Variants in CDK13 observed in about 807,000 individuals in gnomAD.
CDK13 encodes the protein cyclin-dependent kinase 13.
CDK13 carries 40 observed loss-of-function variants against 137.6 expected under a neutral mutation model. The ratio of observed to expected loss-of-function variants is 0.29; its 90% CI spans 0.23 to 0.38. The LOEUF (loss-of-function observed/expected upper bound fraction) is 0.38, where lower values mean the gene tolerates loss of function less well. Ranked by LOEUF, CDK13 falls within the 10% of genes least tolerant of loss-of-function variation. CDK13 has a pLI of 1.00. For missense variants in CDK13, 1,704 were observed against 1,951.8 expected (o/e 0.87, Z 2.39); for synonymous variants, 869 against 760.1 (o/e 1.14, Z -2.36).
chr7:40,004,511 T>A (rs1040754595), intron 5 of CDK13, among the ~76,000 whole-genome samples: 1 of 152,256 alleles, frequency 6.6e-6, no homozygotes, highest in African/African-American at 2.4e-5. Flanking sequence ...TAAATGAATC[T>A]AATAATTTTG....
chr7:40,019,019 G>A (rs370652450), intron 5 of CDK13, among the ~76,000 whole-genome samples: 23 of 152,242 alleles, frequency 1.5e-4, no homozygotes, highest in Middle Eastern at 3.4e-3. Flanking sequence ...CAGAACTATG[G>A]TATATTATTA....
intron 11 of CDK13, among the ~76,000 whole-genome samples, chr7:40,081,792 A>C (rs926633970): frequency 2.0e-5 from 3 of 152,066 alleles, no homozygotes; most frequent in East Asian, 1.9e-4. Flanking sequence ...TTGTATTTTT[A>C]GTAGAGACAG....
chr7:40,040,997 G>A (rs879753634), intron 5 of CDK13, among the ~76,000 whole-genome samples: 2 of 152,046 alleles, frequency 1.3e-5, no homozygotes, highest in Non-Finnish European at 2.9e-5. Flanking sequence ...AAATCATCTG[G>A]TAACTTCATT....
intron 1 of CDK13, among the ~76,000 whole-genome samples, chr7:39,968,812 T>G (rs1054707972): frequency 2.6e-5 from 4 of 152,222 alleles, no homozygotes; most frequent in Non-Finnish European, 5.9e-5. Context: ...AGTATTCCAC[T>G]GAATCAGAGT....
At chr7:39,984,469 A>C (rs1300711084) in intron 1 of CDK13, 2 of 152,022 alleles carry the variant, frequency 1.3e-5, no homozygotes, top group Non-Finnish European at 2.9e-5. Flanking sequence ...AAAATTCACG[A>C]AATAAAAATT....
intron 5 of CDK13, among the ~76,000 whole-genome samples, chr7:40,044,581 A>G (rs927477558): frequency 6.6e-6 from 1 of 151,814 alleles, no homozygotes; most frequent in African/African-American, 2.4e-5. Context: ...AGCCTCCCAA[A>G]GTGCTGGGAT....
intron 1 of CDK13, chr7:39,987,179 C>T (rs949895037): frequency 1.9e-5 from 3 of 154,922 alleles, no homozygotes; most frequent in Non-Finnish European, 4.3e-5. Flanking sequence ...TCACTCTTGC[C>T]ATAGACAGAG....
chr7:40,062,292 CTTT>C (rs71848269), intron 7 of CDK13: 15,871 of 148,870 alleles, frequency 0.11, 2,724 homozygotes, highest in African/African-American at 0.36. Flanking sequence ...CAGTAAACTA[CTTT>C]TTTTTTTTGA....
At chr7:40,063,191 G>C in intron 9 of CDK13, 91 bp downstream of exon 9, 1 of 961,228 alleles carries the variant, frequency 1.0e-6, no homozygotes, top group South Asian at 1.4e-5. Context: ...TTTTCAGGAA[G>C]AGAACAACAT....
chr7:40,090,363 CT>C (rs546645066), intron 12 of CDK13, among the ~76,000 whole-genome samples: 150 of 152,092 alleles, frequency 9.9e-4, no homozygotes, highest in African/African-American at 3.5e-3. Context: ...CCTTTTTTAA[CT>C]TTAATTTTTT....
At chr7:39,979,052 T>C (rs532954686) in intron 1 of CDK13, among the ~76,000 whole-genome samples, 1 of 152,244 alleles carries the variant, frequency 6.6e-6, no homozygotes, top group Admixed American at 6.5e-5. Context: ...TGTGAAAGTT[T>C]GGAATAGCTA....
chr7:40,086,848 T>A lies in CDK13; in HGVS notation c.3030-1278T>A, dbSNP rs147162977. ...TTTTTTTTGAGATAGGGTCTGGCTC[T>A]GTCACCCAGGCCAGAGTGCAGTGGC... is the stretch of plus-strand genomic sequence containing the variant. On this transcript the variant is annotated intron_variant, in intron 11 of 13. Transcript: ENST00000181839. 4.0e-4 allele frequency among the ~76,000 whole-genome samples: 59 copies of A among 148,862 alleles called. No individual in the cohort carries two copies. In the East Asian group the frequency reaches 0.01, roughly 25 times the overall value.
intron 9 of CDK13, among the ~76,000 whole-genome samples, chr7:40,074,190 A>T (rs1256816841): frequency 6.6e-6 from 1 of 151,510 alleles, no homozygotes; most frequent in Non-Finnish European, 1.5e-5. Context: ...ATGAGCCATC[A>T]TGCCTGGCCA....
chr7:40,018,040 G>A (rs773409), intron 5 of CDK13, among the ~76,000 whole-genome samples: 151,386 of 151,862 alleles, frequency 1, 75,455 homozygotes, highest in South Asian at 1. Context: ...GCATATTTTA[G>A]TTTCTGGTGG....
chr7:40,047,825 C>CAG lies in CDK13; in HGVS notation c.2550_2551dup (p.Ile851ArgfsTer2). The CAG allele has an allele frequency of 6.2e-7, 1 of 1,606,562 alleles. No homozygotes were observed. The highest frequency in any genetic ancestry group is 8.5e-7 in the Non-Finnish European group (1 of 1,173,888). ...ATTTTGTCTTATTTCCACCAGAGGGCAGATAAAACTTGCAGACTTTGGACT... is the reference window on the plus strand; with the variant it reads ...ATTTTGTCTTATTTCCACCAGAGGGCAGAGATAAAACTTGCAGACTTTGGACT... On this transcript the variant is annotated frameshift_variant, in exon 7 of 14. Transcript: ENST00000181839. LOFTEE classifies it high-confidence loss of function.
Position 39,950,281 on chromosome 7 carries a change from G to A in CDK13, c.-361G>A, listed in dbSNP as rs981032088. On this transcript the variant is annotated 5_prime_UTR_variant, in exon 1 of 14. Coordinates refer to ENST00000181839, the MANE Select transcript of CDK13 (RefSeq NM_003718.5). The stretch of plus-strand genomic sequence containing the variant: ...ACTTCCGCGTTGCGCTGCCCGAGCC[G>A]AGAGCGCGGCCAAGGCCGCTCCCCC... The A allele has an allele frequency of 2.5e-5, 27 of 1,066,372 alleles. No homozygotes were observed. Among genetic ancestry groups the A allele is most frequent in the Non-Finnish European group, 3.1e-5 (27 of 882,742 alleles). 66.1% of individuals were successfully genotyped at this position (1,066,372 alleles called of 1,614,324 possible). A position where few individuals can be genotyped will look rare whatever the true frequency, so the allele number is the denominator to read the frequency against.
chr7:39,976,119 C>A (rs1010645749), intron 1 of CDK13, among the ~76,000 whole-genome samples: 54 of 151,936 alleles, frequency 3.6e-4, no homozygotes, highest in Non-Finnish European at 1.2e-4. Flanking sequence ...CATGGTGAAA[C>A]CCCGTCTCTA....
chr7:39,992,070 T>TAC (rs148046155), intron 2 of CDK13, among the ~76,000 whole-genome samples: 2,899 of 146,984 alleles, frequency 0.02, 44 homozygotes, highest in East Asian at 0.081. Flanking sequence ...GAAAAAATTA[T>TAC]ACACACACAC....
intron 7 of CDK13, among the ~76,000 whole-genome samples, chr7:40,055,544 G>A (rs1785998118): frequency 6.8e-6 from 1 of 148,110 alleles, no homozygotes; most frequent in Non-Finnish European, 1.5e-5. Context: ...AATAGCGCAA[G>A]TTTGAAATTC....
Sources: allele counts gnomAD v4.1 joint callset (sites outside exome capture counted in the v4.1 genomes callset), GRCh38; gene constraint gnomAD v4.1.1; transcripts MANE v1.5; gene names NCBI Gene and HGNC (gene_info 2026-07-23, HGNC 2026-07-21).